Variants in ROCK1 observed in about 807,000 individuals in gnomAD.
The protein encoded by ROCK1 is rho-associated protein kinase 1.
In ROCK1, 36 loss-of-function variants were observed where a neutral mutation model predicts 196.8. The observed-to-expected ratio is 0.18, with a 90% confidence interval of 0.14 to 0.24. ROCK1 has a LOEUF of 0.24. Ranked by LOEUF, ROCK1 falls within the 10% of genes least tolerant of loss-of-function variation. The pLI, the probability that ROCK1 is intolerant of heterozygous loss-of-function variation, is 1.00. For missense variants in ROCK1, 920 were observed against 1,562.0 expected, an observed-to-expected ratio of 0.59 and a Z score of 6.93; for synonymous variants, 443 against 515.9, an observed-to-expected ratio of 0.86 and a Z score of 1.91.
At position 20,966,285 on chromosome 18, in the gene ROCK1, G is replaced by A. The variant is rs149360506; in HGVS notation, c.3352+632C>T. ...TTTACATGACGATTAAACCAAGAATGAGGTTGTGTTTATTTTTAAATTGAT... is the reference window on the plus strand; with the variant it reads ...TTTACATGACGATTAAACCAAGAATAAGGTTGTGTTTATTTTTAAATTGAT... On this transcript the variant is annotated intron_variant, in intron 27 of 32. Coordinates refer to ENST00000399799, the MANE Select transcript of ROCK1 (RefSeq NM_005406.3). Among the ~76,000 whole-genome samples the A allele has an allele frequency of 5.3e-4, 80 of 152,298 alleles. 1 individual carries two copies. Among genetic ancestry groups the A allele is most frequent in the Non-Finnish European group, 9.6e-4 (65 of 68,034 alleles).
intron 1 of ROCK1, among the ~76,000 whole-genome samples, chr18:21,090,074 T>C (rs1169698201): frequency 6.6e-6 from 1 of 152,262 alleles, no homozygotes; most frequent in African/African-American, 2.4e-5. Flanking sequence ...TTAAAATTTA[T>C]TGGTCTATCT....
At chr18:21,032,506 G>GTTTT (rs368055407) in intron 9 of ROCK1, among the ~76,000 whole-genome samples, 2 of 129,252 alleles carry the variant, frequency 1.5e-5, no homozygotes, top group African/African-American at 5.8e-5. Context: ...AAATAGGAAA[G>GTTTT]TTTTTTTTTT....
At chr18:20,987,138 C>A in intron 18 of ROCK1, 28 bp from the exon 19 acceptor site, 5 of 1,601,780 alleles carry the variant, frequency 3.1e-6, no homozygotes, top group Non-Finnish European at 4.3e-6. Flanking sequence ...TACAAACATA[C>A]ATTTAAAGAA....
At chr18:21,061,503 C>T (rs547539382) in intron 2 of ROCK1, among the ~76,000 whole-genome samples, 1 of 152,254 alleles carries the variant, frequency 6.6e-6, no homozygotes, top group East Asian at 1.9e-4. Flanking sequence ...CAGTGTTTCC[C>T]AGGAGTGGGG....
intron 9 of ROCK1, among the ~76,000 whole-genome samples, chr18:21,032,152 C>T (rs560874323): frequency 6.6e-6 from 1 of 152,276 alleles, no homozygotes; most frequent in South Asian, 2.1e-4. Flanking sequence ...AAAAGCTCCA[C>T]ATGAAGACAC....
intron 19 of ROCK1, among the ~76,000 whole-genome samples, 193 bp from the exon 20 acceptor site, chr18:20,984,728 A>C (rs1407461245): frequency 2.0e-5 from 3 of 152,202 alleles, no homozygotes; most frequent in African/African-American, 7.2e-5. Context: ...TAATTCCCAA[A>C]TTTCAGACAT....
intron 2 of ROCK1, among the ~76,000 whole-genome samples, chr18:21,052,807 C>G (rs1313897907): frequency 6.6e-6 from 1 of 152,132 alleles, no homozygotes; most frequent in Non-Finnish European, 1.5e-5. Flanking sequence ...CCCCAACCCC[C>G]ATCCTGTCCA....
chr18:21,016,953 C>T (rs1165887862), intron 12 of ROCK1, among the ~76,000 whole-genome samples: 1 of 151,826 alleles, frequency 6.6e-6, no homozygotes, highest in African/African-American at 2.4e-5. Flanking sequence ...TCATCTCAGG[C>T]TTTTCCTTCC....
chr18:20,971,339 CACACAT>C (rs1261576621), intron 22 of ROCK1, among the ~76,000 whole-genome samples: 67 of 99,040 alleles, frequency 6.8e-4, no homozygotes, highest in East Asian at 2.0e-3. Flanking sequence ...CACACACACA[CACACAT>C]ACACACAGAA....
At chr18:21,088,208 T>C (rs1231032230) in intron 1 of ROCK1, among the ~76,000 whole-genome samples, 2 of 152,222 alleles carry the variant, frequency 1.3e-5, no homozygotes, top group African/African-American at 4.8e-5. Flanking sequence ...AAAAGAGTAA[T>C]GATGGCCAGG....
At chr18:20,969,370 T>C in intron 23 of ROCK1, 162 bp from the exon 24 acceptor site, 5 of 506,838 alleles carry the variant, frequency 9.9e-6, no homozygotes, top group Non-Finnish European at 1.7e-5. Flanking sequence ...ATCAAAAATA[T>C]TTAAAAGTAG....
intron 21 of ROCK1, among the ~76,000 whole-genome samples, chr18:20,981,590 C>T (rs1053627293): frequency 3.3e-5 from 5 of 152,116 alleles, no homozygotes; most frequent in African/African-American, 7.2e-5. Context: ...GTTCTGATGT[C>T]TATTTCTTTT....
intron 29 of ROCK1, among the ~76,000 whole-genome samples, chr18:20,957,890 C>T (rs35778842): frequency 0.071 from 7,200 of 101,774 alleles, no homozygotes; most frequent in East Asian, 0.16. Context: ...TCAGGCCAAC[C>T]GCCCACCTTG....
At position 20,969,146 on chromosome 18, in the gene ROCK1, C is replaced by G. The variant is rs747013639; in HGVS notation, c.2883G>C (p.Glu961Asp). The part of the protein sequence containing the change: ...DIEILRRENE[E>D]LTEKMKKAEE... Reference sequence around the variant, plus strand: ...CTGCCTTCTTCATTTTCTCTGTTAGCTCTTCATTCTCTCTTCTTAATATTT... The same window carrying G: ...CTGCCTTCTTCATTTTCTCTGTTAGGTCTTCATTCTCTCTTCTTAATATTT... Residue 961 changes from glutamate (E) to aspartate (D), a missense_variant, in exon 24 of 33, where the codon GAG becomes GAC. This residue lies in a region of ROCK1 where 520 missense variants were observed against 657.1 expected (regional missense o/e 0.79). Coordinates refer to ENST00000399799, the MANE Select transcript of ROCK1 (RefSeq NM_005406.3). The G allele has an allele frequency of 1.1e-5, 18 of 1,601,810 alleles. No individual in the cohort carries two copies. The highest frequency in any genetic ancestry group is 1.4e-5 in the Non-Finnish European group (17 of 1,176,154).
chr18:21,015,397 C>A, intron 13 of ROCK1, 34 bp downstream of exon 13: 1 of 1,415,952 alleles, frequency 7.1e-7, no homozygotes, highest in South Asian at 1.2e-5. Context: ...GGAAAAATCT[C>A]AAAAAGGAAA....
At chr18:21,093,251 A>G (rs1357154300) in intron 1 of ROCK1, among the ~76,000 whole-genome samples, 10 of 152,204 alleles carry the variant, frequency 6.6e-5, no homozygotes, top group African/African-American at 2.2e-4. Flanking sequence ...TCTCTGGTGG[A>G]CAACACCAAA....
At chr18:21,060,885 A>G (rs1326082265) in intron 2 of ROCK1, among the ~76,000 whole-genome samples, 2 of 151,404 alleles carry the variant, frequency 1.3e-5, no homozygotes, top group Non-Finnish European at 2.9e-5. Context: ...AAAAACTTGT[A>G]CACGAATATT....
At chr18:21,018,485 G>A (rs867194182) in intron 12 of ROCK1, among the ~76,000 whole-genome samples, 9 of 150,310 alleles carry the variant, frequency 6.0e-5, no homozygotes, top group South Asian at 2.1e-4. Flanking sequence ...AGCCGCGATC[G>A]CGCCATCATA....
intron 1 of ROCK1, among the ~76,000 whole-genome samples, chr18:21,095,992 TA>T (rs1009696039): frequency 3.0e-4 from 44 of 144,806 alleles, no homozygotes; most frequent in South Asian, 8.8e-4. Context: ...AATTGAAAAT[TA>T]AAAAAAAAAA....
Sources: gnomAD v4.1 joint callset for allele counts (sites outside exome capture counted in the v4.1 genomes callset) on GRCh38, gnomAD v4.1.1 for gene constraint, gnomAD v4.1.1 regional missense constraint, MANE v1.5 for transcripts, NCBI Gene and HGNC (gene_info 2026-07-23, HGNC 2026-07-21) for gene names.